Variants in SYCE1 observed in about 807,000 individuals in gnomAD.
The protein encoded by SYCE1 is cancer/testis antigen 76.
Under a neutral mutation model 55.1 loss-of-function variants are expected in SYCE1, and 37 were observed. That is an observed-to-expected ratio of 0.67 (90% CI 0.52 to 0.88). The LOEUF is 0.88. SYCE1 is among the 40% of genes least tolerant of loss of function. SYCE1 has a pLI of 0.00. For synonymous variants in SYCE1, 163 were observed against 159.4 expected, an observed-to-expected ratio of 1.02 and a Z score of -0.17; for missense variants, 399 against 416.4, an observed-to-expected ratio of 0.96 and a Z score of 0.36.
intron 5 of SYCE1, 90 bp downstream of exon 5, chr10:133,558,077 A>G: frequency 6.4e-7 from 1 of 1,568,620 alleles, no homozygotes; most frequent in African/African-American, 1.3e-5. Context: ...AAGCTGGGAC[A>G]GGTTTCAAAA....
At chr10:133,566,957 T>A (rs1360641633), upstream of SYCE1, among the ~76,000 whole-genome samples, 1,885 of 150,816 alleles carry the variant, frequency 0.012, no homozygotes, top group African/African-American at 0.044. Context: ...TGTCAGGGTT[T>A]GGGGTGGGGT....
chr10:133,559,586 T>G (rs1008410660), intron 2 of SYCE1: 1 of 545,234 alleles, frequency 1.8e-6, no homozygotes, highest in African/African-American at 1.9e-5. Flanking sequence ...AGAAATGAAG[T>G]AGGCCAAGGG....
Position 133,558,897 on chromosome 10 carries a change from A to G in SYCE1, c.251T>C (p.Leu84Pro). 1 of 1,613,246 alleles carries G rather than the reference A, an allele frequency of 6.2e-7. No homozygotes were observed. The highest frequency in any genetic ancestry group is 8.5e-7 in the Non-Finnish European group (1 of 1,179,822). ...LGEARTICEA[L>P]QKELDSLHGE... ...CTTACGCGAGTCCAGTTCCTTCTGC[A>G]GGGCCTCACAGATGGTCCGGGCCTC... Residue 84 changes from leucine (L) to proline (P), a missense_variant, in exon 4 of 13, where the codon CTG becomes CCG. Transcript: ENST00000343131.
chr10:133,568,078 C>T (rs769867649), upstream of SYCE1: 13 of 679,776 alleles, frequency 1.9e-5, no homozygotes, highest in African/African-American at 5.3e-5. Flanking sequence ...ATGTGGTCAC[C>T]GAGCCCAGCC....
At chr10:133,559,030 C>A (rs1170478301) in intron 3 of SYCE1, 79 bp from the exon 4 acceptor site, 1 of 1,425,758 alleles carries the variant, frequency 7.0e-7, no homozygotes, top group Non-Finnish European at 9.6e-7. Flanking sequence ...CATTTGCCTT[C>A]AGGTAAATCT....
chr10:133,558,613 G>C, intron 4 of SYCE1: 1 of 542,834 alleles, frequency 1.8e-6, no homozygotes, highest in Non-Finnish European at 3.3e-6. Context: ...CTAACTTAGA[G>C]CTGATGATGT....
At chr10:133,556,489 C>T (rs957029680) in intron 8 of SYCE1, 9 of 553,092 alleles carry the variant, frequency 1.6e-5, no homozygotes, top group African/African-American at 9.4e-5. Context: ...TGCTTATCCT[C>T]GTTGTCTCCT....
chr10:133,556,180 G>T, intron 8 of SYCE1, 133 bp from the exon 9 acceptor site: 1 of 987,502 alleles, frequency 1.0e-6, no homozygotes, highest in South Asian at 1.6e-5. Flanking sequence ...GTGCACACCA[G>T]CTACAGTACA....
chr10:133,555,987 T>C lies in SYCE1; in HGVS notation c.589A>G (p.Lys197Glu). ...ALDSSKEQLL[K>E]EEKLVKATLE... The stretch of plus-strand genomic sequence containing the variant: ...CCACCTTCCCTGGTCTCACCTTCCT[T>C]GAGCAGCTGCTCCTTGCTGCTGTCC... Residue 197 changes from lysine to glutamate, a missense_variant, in exon 9 of 13, where the codon AAG (lysine) becomes GAG (glutamate). By Grantham distance (56) the Lys-to-Glu change is moderately conservative. Coordinates refer to ENST00000343131, the MANE Select transcript of SYCE1 (RefSeq NM_001143764.3). 1 of 1,614,196 alleles carries C rather than the reference T, an allele frequency of 6.2e-7. No individual in the cohort carries two copies.
downstream of SYCE1, chr10:133,554,830 G>C (rs1450419478): frequency 2.1e-5 from 31 of 1,449,960 alleles, no homozygotes; most frequent in Non-Finnish European, 2.6e-5. Context: ...TACCAGAGAT[G>C]AGCAATCCAG....
At chr10:133,568,204 G>T, upstream of SYCE1, 1 of 1,140,934 alleles carries the variant, frequency 8.8e-7, no homozygotes, top group Non-Finnish European at 1.3e-6. Context: ...TGTAGATGCC[G>T]AGCCGGTCCT....
At chr10:133,563,462 C>T (rs1416747817) in intron 1 of SYCE1, among the ~76,000 whole-genome samples, 1 of 152,102 alleles carries the variant, frequency 6.6e-6, no homozygotes, top group Admixed American at 6.5e-5. Context: ...GGCAGGAGGA[C>T]TGCTCAAGCA....
upstream of SYCE1, among the ~76,000 whole-genome samples, chr10:133,566,906 A>AGG (rs370304786): frequency 5.6e-4 from 16 of 28,724 alleles, 1 homozygote; most frequent in Admixed American, 8.5e-3. Context: ...TAAGGGTTGC[A>AGG]GGTTAGGCTT....
At chr10:133,561,307 A>G (rs944755195) in intron 1 of SYCE1, 2 of 152,184 alleles carry the variant, frequency 1.3e-5, no homozygotes, top group African/African-American at 4.8e-5. Context: ...CAAATATCCT[A>G]TCAGTGCTTG....
At chr10:133,565,662 G>T, upstream of SYCE1, 1 of 833,996 alleles carries the variant, frequency 1.2e-6, no homozygotes, top group Admixed American at 3.1e-5. Context: ...GAGATGTGAG[G>T]TAATTCTCCG....
At position 133,555,102 on chromosome 10, in the gene SYCE1, T is replaced by C. The variant is rs1315559630; in HGVS notation, c.946A>G (p.Arg316Gly). The change falls in exon 13 of 13, where the codon AGA (arginine) becomes GGA (glycine). Residue 316 changes from arginine (R) to glycine (G), a missense_variant. Arg to Gly is a moderately radical substitution (Grantham distance 125). Coordinates refer to ENST00000343131, the MANE Select transcript of SYCE1 (RefSeq NM_001143764.3). ...CCTGCTTGGTGTGCAGCTCCAGGTC[T>C]TTCTCCTTTTAGGGGCTTGGGACTG... is the stretch of plus-strand genomic sequence containing the variant. ...VASPKPLKGE[R>G]PGAAHQAGPD... 6.4e-7 allele frequency: 1 copy of C among 1,550,580 alleles called. No individual in the cohort carries two copies. Among genetic ancestry groups the C allele is most frequent in the African/African-American group, 1.4e-5 (1 of 72,986 alleles).
intron 1 of SYCE1, 129 bp downstream of exon 1, chr10:133,565,328 G>A: frequency 2.4e-6 from 2 of 848,780 alleles, no homozygotes; most frequent in Non-Finnish European, 3.4e-6. Context: ...TTTTTCTGAA[G>A]AAACCCGCTA....
intron 2 of SYCE1, chr10:133,559,719 C>A: frequency 2.4e-6 from 1 of 423,076 alleles, no homozygotes; most frequent in Non-Finnish European, 4.4e-6. Flanking sequence ...GTAGTCAGTG[C>A]AAAGACCCAT....
upstream of SYCE1, among the ~76,000 whole-genome samples, chr10:133,567,562 G>T (rs1285066599): frequency 6.6e-5 from 10 of 151,932 alleles, no homozygotes; most frequent in Non-Finnish European, 1.2e-4. Flanking sequence ...AGCACCTAAC[G>T]TTTTCCCCTT....
Sources: allele counts gnomAD v4.1 joint callset (sites outside exome capture counted in the v4.1 genomes callset), GRCh38; gene constraint gnomAD v4.1.1; transcripts MANE v1.5; gene names NCBI Gene and HGNC (gene_info 2026-07-23, HGNC 2026-07-21).